Variants in DAB1 observed in about 807,000 individuals in gnomAD.
DAB1 encodes disabled homolog 1.
DAB1 carries 15 observed loss-of-function variants against 64.6 expected under a neutral mutation model. That is an observed-to-expected ratio of 0.23 (90% confidence interval 0.16 to 0.36). The LOEUF is 0.36. DAB1 is among the 10% of genes least tolerant of loss of function. The probability of loss-of-function intolerance (pLI) is 1.00; values close to 1 mark genes in which losing one functional copy is unlikely to be tolerated. For missense variants in DAB1, 596 were observed against 706.7 expected, an observed-to-expected ratio of 0.84 and a Z score of 1.78; for synonymous variants, 235 against 251.9, an observed-to-expected ratio of 0.93 and a Z score of 0.64.
chr1:57,350,704 A>C (rs1424468), intron 1 of DAB1, among the ~76,000 whole-genome samples: 76,092 of 151,854 alleles, frequency 0.5, 19,786 homozygotes, highest in African/African-American at 0.55. Flanking sequence ...TTCCAGTTGG[A>C]TTCACACAAA....
chr1:57,468,039 T>C (rs1464636707), intron 7 of DAB1, among the ~76,000 whole-genome samples: 4 of 152,216 alleles, frequency 2.6e-5, no homozygotes, highest in African/African-American at 9.6e-5. Context: ...CTGTCTCCCC[T>C]GGCCCCATGC....
At chr1:58,049,709 T>C (rs74912468) in intron 5 of DAB1, among the ~76,000 whole-genome samples, 3,209 of 152,274 alleles carry the variant, frequency 0.021, 90 homozygotes, top group African/African-American at 0.07. Context: ...TCTTCTTATC[T>C]GAAAAATAGA....
chr1:57,233,281 G>A (rs1233121226), intron 2 of DAB1, among the ~76,000 whole-genome samples: 1 of 2,300 alleles, frequency 4.3e-4, no homozygotes, highest in African/African-American at 1.2e-3. Flanking sequence ...TTTTTTTTTT[G>A]AGACGGAGTC....
At chr1:58,008,034 A>C (rs1160070402) in intron 5 of DAB1, among the ~76,000 whole-genome samples, 2 of 152,170 alleles carry the variant, frequency 1.3e-5, no homozygotes, top group African/African-American at 4.8e-5. Context: ...TCTTCAAGAG[A>C]GGGAAGAAGA....
chr1:58,269,103 C>A (rs892516451), intron 4 of DAB1, among the ~76,000 whole-genome samples: 1 of 149,990 alleles, frequency 6.7e-6, no homozygotes, highest in African/African-American at 2.4e-5. Context: ...CATGCTGGTG[C>A]GCTGCACCCA....
chr1:58,437,598 C>A (rs1341398210), intron 3 of DAB1, among the ~76,000 whole-genome samples: 4 of 152,208 alleles, frequency 2.6e-5, no homozygotes, highest in Non-Finnish European at 5.9e-5. Flanking sequence ...TTTCTGTCTT[C>A]CCCCATTCCA....
intron 1 of DAB1, among the ~76,000 whole-genome samples, chr1:57,314,602 C>T (rs1372226850): frequency 1.3e-5 from 2 of 152,076 alleles, no homozygotes; most frequent in Non-Finnish European, 1.5e-5. Context: ...CGCTCTATCT[C>T]GTAAGGATGC....
chr1:57,662,787 A>G (rs1406184438), intron 6 of DAB1, among the ~76,000 whole-genome samples: 1 of 152,220 alleles, frequency 6.6e-6, no homozygotes, highest in Non-Finnish European at 1.5e-5. Context: ...GTCAAAGGAC[A>G]TGGTATGTGG....
upstream of DAB1, among the ~76,000 whole-genome samples, chr1:57,427,293 CACTGTGG>C (rs1226004831): frequency 2.6e-5 from 4 of 152,292 alleles, no homozygotes; most frequent in South Asian, 8.3e-4. Flanking sequence ...GTATATCAGG[CACTGTGG>C]TAGGCATTGG....
intron 7 of DAB1, among the ~76,000 whole-genome samples, chr1:57,451,125 AC>A (rs199592927): frequency 0.014 from 2,099 of 152,276 alleles, 44 homozygotes; most frequent in African/African-American, 0.045. Flanking sequence ...TGGATGGGCC[AC>A]CTGATTCTTG....
chr1:58,491,046 A>G (rs1361484034), intron 3 of DAB1, among the ~76,000 whole-genome samples: 1 of 151,822 alleles, frequency 6.6e-6, no homozygotes, highest in Non-Finnish European at 1.5e-5. Flanking sequence ...TGACCTCGTG[A>G]TCCACCCACC....
chr1:57,664,464 A>T (rs1646423488), intron 6 of DAB1, among the ~76,000 whole-genome samples: 1 of 152,148 alleles, frequency 6.6e-6, no homozygotes, highest in Non-Finnish European at 1.5e-5. Flanking sequence ...CTCCTTTTAA[A>T]TTATTTCAAG....
At chr1:57,760,646 A>T (rs1415319820) in intron 6 of DAB1, among the ~76,000 whole-genome samples, 7 of 151,206 alleles carry the variant, frequency 4.6e-5, no homozygotes, top group Admixed American at 3.3e-4. Flanking sequence ...ACACACAGAC[A>T]CACACACACA....
chr1:57,395,792 TACCATATTAGGGAATACA>T (rs1453486100), intron 1 of DAB1, among the ~76,000 whole-genome samples: 15 of 45,870 alleles, frequency 3.3e-4, no homozygotes, highest in African/African-American at 2.1e-3. Context: ...CTCCCATGGC[TACCATATTAGGGAATACA>T]GACCTATAGC....
chr1:57,711,091 T>C (rs1647023215), intron 6 of DAB1, among the ~76,000 whole-genome samples: 2 of 152,218 alleles, frequency 1.3e-5, no homozygotes, highest in African/African-American at 4.8e-5. Flanking sequence ...TCAGGAATAA[T>C]GGCTGGTAAT....
At chr1:58,274,816 T>C (rs1441110391) in intron 4 of DAB1, among the ~76,000 whole-genome samples, 3 of 152,176 alleles carry the variant, frequency 2.0e-5, no homozygotes, top group Non-Finnish European at 4.4e-5. Context: ...GGGAACTCCC[T>C]GACCCCTCGC....
At chr1:58,320,245 G>A (rs1263508172) in intron 4 of DAB1, among the ~76,000 whole-genome samples, 1 of 152,180 alleles carries the variant, frequency 6.6e-6, no homozygotes, top group Non-Finnish European at 1.5e-5. Flanking sequence ...CTTCATGTGG[G>A]CAGTGACACA....
At chr1:58,085,643 C>T (rs1317216791) in intron 5 of DAB1, among the ~76,000 whole-genome samples, 1 of 152,074 alleles carries the variant, frequency 6.6e-6, no homozygotes, top group African/African-American at 2.4e-5. Context: ...GTTAGGGTTA[C>T]AGGTGTGAGC....
At chr1:58,048,754 G>A in intron 5 of DAB1, 1 of 1,272,044 alleles carries the variant, frequency 7.9e-7, no homozygotes, top group East Asian at 2.3e-5. Flanking sequence ...CTTTGACAGG[G>A]CTTTCCTAAC....
Sources: gnomAD v4.1 joint callset for allele counts (sites outside exome capture counted in the v4.1 genomes callset) on GRCh38, gnomAD v4.1.1 for gene constraint, MANE v1.5 for transcripts, NCBI Gene and HGNC (gene_info 2026-07-23, HGNC 2026-07-21) for gene names.